The following FAM161A variants were observed in gnomAD, a reference collection of about 807,000 sequenced individuals.
FAM161A encodes FAM161 centrosomal protein A.
Under a neutral mutation model 70.9 loss-of-function variants are expected in FAM161A, and 57 were observed. The ratio of observed to expected loss-of-function variants is 0.80; its 90% CI spans 0.65 to 1.00. The LOEUF is 1.00. Ranked by LOEUF, FAM161A falls within the 50% of genes least tolerant of loss-of-function variation. The probability of loss-of-function intolerance (pLI) is 0.00; values close to 1 mark genes in which losing one functional copy is unlikely to be tolerated. For synonymous variants in FAM161A, 299 were observed against 295.7 expected (o/e 1.01, Z -0.12); for missense variants, 880 against 836.0 (o/e 1.05, Z -0.65).
At chr2:61,842,590 A>G (rs1158659895) in intron 1 of FAM161A, among the ~76,000 whole-genome samples, 1 of 152,254 alleles carries the variant, frequency 6.6e-6, no homozygotes, top group Non-Finnish European at 1.5e-5. Flanking sequence ...AATAAATGTT[A>G]TTTAATCCAT....
At chr2:61,846,082 C>T (rs1453577489) in intron 1 of FAM161A, among the ~76,000 whole-genome samples, 3 of 90,168 alleles carry the variant, frequency 3.3e-5, no homozygotes, top group Admixed American at 3.0e-4. Context: ...AAGCAAGACT[C>T]TGTCTCAAAA....
chr2:61,823,332 C>CA (rs58820982), downstream of FAM161A, among the ~76,000 whole-genome samples: 10 of 119,640 alleles, frequency 8.4e-5, no homozygotes, highest in Admixed American at 5.1e-4. Flanking sequence ...GATTCCATCT[C>CA]AAAAAAAAAA....
intron 1 of FAM161A, among the ~76,000 whole-genome samples, chr2:61,849,300 A>T (rs1177522477): frequency 2.0e-5 from 3 of 148,264 alleles, no homozygotes; most frequent in Non-Finnish European, 4.4e-5. Context: ...TCTGGGGGAG[A>T]GTTGTTAAAA....
the FAM161A span, among the ~76,000 whole-genome samples, chr2:61,807,918 G>T: frequency 6.6e-6 from 1 of 152,182 alleles, no homozygotes; most frequent in East Asian, 1.9e-4. Context: ...TGGGATTCCA[G>T]ATGTGAGCCA....
intron 5 of FAM161A, among the ~76,000 whole-genome samples, chr2:61,830,088 A>G (rs1317983496): frequency 3.3e-5 from 5 of 152,182 alleles, no homozygotes; most frequent in African/African-American, 1.2e-4. Flanking sequence ...GAATAAATGG[A>G]ATTGGTGAGA....
the FAM161A span, among the ~76,000 whole-genome samples, chr2:61,807,618 G>T: frequency 1.3e-5 from 2 of 148,162 alleles, no homozygotes; most frequent in East Asian, 4.0e-4. Flanking sequence ...AGGGTTAGCT[G>T]CCTCTGGACT....
At chr2:61,808,566 C>T in the FAM161A span, among the ~76,000 whole-genome samples, 1 of 152,278 alleles carries the variant, frequency 6.6e-6, no homozygotes, top group East Asian at 1.9e-4. Flanking sequence ...GCCACCGTGC[C>T]TGGCCGGAAA....
chr2:61,826,707 G>A, intron 6 of FAM161A, 108 bp from the exon 7 acceptor site: 1 of 932,994 alleles, frequency 1.1e-6, no homozygotes, highest in Non-Finnish European at 1.6e-6. Context: ...TCAAGTGTAT[G>A]AATTCCAATT....
chr2:61,841,266 G>A (rs1406882395), intron 2 of FAM161A, among the ~76,000 whole-genome samples: 10 of 152,054 alleles, frequency 6.6e-5, no homozygotes, highest in Non-Finnish European at 5.9e-5. Flanking sequence ...CGAGACTGGC[G>A]CCTATCTTTT....
In FAM161A at chr2:61,853,991, G is replaced by A. The variant is rs974804990; in HGVS notation, c.51C>T (p.Thr17=). ...VAKLVASSLQ[T]PVNPITGARV... The stretch of plus-strand genomic sequence containing the variant: ...GCGCTCCAGTGATGGGATTTACCGG[G>A]GTCTGGAGACTGGAGGCCACCAGCT... Residue 17 remains threonine, a synonymous_variant, in exon 1 of 7, where the codon ACC becomes ACT. Transcript: ENST00000404929. 6.2e-7 allele frequency: 1 copy of A among 1,613,662 alleles called. No individual in the cohort carries two copies. Among genetic ancestry groups the A allele is most frequent in the Non-Finnish European group, 8.5e-7 (1 of 1,179,746 alleles).
At chr2:61,823,539 T>G (rs2105054164), downstream of FAM161A, among the ~76,000 whole-genome samples, 1 of 151,814 alleles carries the variant, frequency 6.6e-6, no homozygotes, top group South Asian at 2.1e-4. Context: ...CTAACTTTTG[T>G]ATTTTTTGTA....
intron 5 of FAM161A, among the ~76,000 whole-genome samples, chr2:61,831,518 T>C (rs1359637519): frequency 4.6e-5 from 7 of 152,214 alleles, no homozygotes; most frequent in Non-Finnish European, 1.0e-4. Flanking sequence ...TCTATCTGAC[T>C]TTAAGGGTCT....
At chr2:61,810,161 T>C in the FAM161A span, among the ~76,000 whole-genome samples, 2 of 152,168 alleles carry the variant, frequency 1.3e-5, no homozygotes, top group African/African-American at 4.8e-5. Context: ...GGTGGCTTAT[T>C]ATGCAGCTGA....
intron 1 of FAM161A, among the ~76,000 whole-genome samples, chr2:61,845,669 T>A (rs1056944642): frequency 2.0e-5 from 3 of 150,646 alleles, no homozygotes; most frequent in Admixed American, 6.6e-5. Context: ...CAAATTTTTT[T>A]TAAAAAATTA....
chr2:61,851,944 T>C (rs895420591), intron 1 of FAM161A, among the ~76,000 whole-genome samples: 1 of 152,268 alleles, frequency 6.6e-6, no homozygotes, highest in Non-Finnish European at 1.5e-5. Flanking sequence ...CTACATTTTA[T>C]AGATAATAAG....
chr2:61,831,679 C>T (rs1672579985), intron 5 of FAM161A, among the ~76,000 whole-genome samples: 1 of 152,112 alleles, frequency 6.6e-6, no homozygotes, highest in Non-Finnish European at 1.5e-5. Context: ...TCAAGATGTC[C>T]CTCATCTGTG....
the FAM161A span, among the ~76,000 whole-genome samples, chr2:61,805,354 A>G: frequency 6.6e-6 from 1 of 152,174 alleles, no homozygotes; most frequent in Non-Finnish European, 1.5e-5. Context: ...CGTGTCTACT[A>G]AAAATACAAA....
intron 1 of FAM161A, among the ~76,000 whole-genome samples, chr2:61,849,864 T>G (rs868251055): frequency 5.7e-4 from 3 of 5,284 alleles, no homozygotes; most frequent in Non-Finnish European, 9.0e-4. Flanking sequence ...CTTAAACAAA[T>G]TAACAGAAAA....
At chr2:61,832,243 ACAC>A (rs1558477415) in intron 5 of FAM161A, among the ~76,000 whole-genome samples, 37 of 70,156 alleles carry the variant, frequency 5.3e-4, no homozygotes, top group East Asian at 1.4e-3. Flanking sequence ...ACCCTGTCAC[ACAC>A]ACACAAAAAA....
Sources: gnomAD v4.1 joint callset for allele counts (sites outside exome capture counted in the v4.1 genomes callset) on GRCh38, gnomAD v4.1.1 for gene constraint, MANE v1.5 for transcripts, NCBI Gene and HGNC (gene_info 2026-07-23, HGNC 2026-07-21) for gene names.